ZNF385D: variants seen among roughly 807,000 people sequenced by gnomAD.
The protein encoded by ZNF385D is zinc finger protein 659.
A neutral mutation model predicts 35.8 loss-of-function variants in ZNF385D; 15 were observed. That is an observed-to-expected ratio of 0.42 (90% CI 0.28 to 0.64). The LOEUF is 0.64. ZNF385D is among the 30% of genes least tolerant of loss of function. The pLI is 0.23. For synonymous variants in ZNF385D, 212 were observed against 186.8 expected (o/e 1.13, Z -1.10); for missense variants, 474 against 494.6 (o/e 0.96, Z 0.39).
At chr3:22,105,685 A>C (rs1343774357) in intron 3 of ZNF385D, among the ~76,000 whole-genome samples, 1 of 152,056 alleles carries the variant, frequency 6.6e-6, no homozygotes, top group African/African-American at 2.4e-5. Flanking sequence ...CAGAGAATCA[A>C]TTCAACCTTC....
chr3:22,018,775 T>G (rs2125450776), intron 3 of ZNF385D, among the ~76,000 whole-genome samples: 1 of 152,100 alleles, frequency 6.6e-6, no homozygotes, highest in African/African-American at 2.4e-5. Context: ...CATTGGGTTG[T>G]GAAAGTAACC....
At chr3:22,215,385 C>T (rs1463894285) in intron 2 of ZNF385D, among the ~76,000 whole-genome samples, 1 of 151,984 alleles carries the variant, frequency 6.6e-6, no homozygotes, top group African/African-American at 2.4e-5. Context: ...TTCTTTTTCT[C>T]AGCAAGGAAC....
intron 1 of ZNF385D, among the ~76,000 whole-genome samples, chr3:21,729,511 G>C (rs1253585359): frequency 2.0e-5 from 3 of 152,058 alleles, no homozygotes; most frequent in Non-Finnish European, 2.9e-5. Flanking sequence ...CAACTCTGAG[G>C]AACTCCACTA....
rs2061972548 is a variant in ZNF385D, at chr3:21,533,539, A to T, written c.277-22516T>A. Among the ~76,000 whole-genome samples, 2 of 152,086 alleles carry T rather than the reference A, an allele frequency of 1.3e-5. 1 individual carries two copies. Among genetic ancestry groups the T allele is most frequent in the South Asian group, 4.2e-4 (2 of 4,740 alleles). On this transcript the variant is annotated intron_variant, in intron 3 of 7. Coordinates refer to ENST00000281523, the MANE Select transcript of ZNF385D (RefSeq NM_024697.3). ...ATATAACTATAGCTGTGCATTTATC[A>T]TCCATCTATATGACTCAAAATGCCA...
rs1203609329 is a variant in ZNF385D at position 21,794,704 on chromosome 3, G to A, written c.326-129676C>T. Among the ~76,000 whole-genome samples the A allele has an allele frequency of 2.6e-5, 4 of 152,044 alleles. 1 individual carries two copies. The highest frequency in any genetic ancestry group is 4.2e-4 in the South Asian group (2 of 4,818). ...TGGGAGGAAGAGTCATCCAGGAGGCGATTACATTTTAATAATGGTAAATTT... is the reference window on the plus strand; with the variant it reads ...TGGGAGGAAGAGTCATCCAGGAGGCAATTACATTTTAATAATGGTAAATTT... On this transcript the variant is annotated intron_variant, in intron 3 of 5. Coordinates refer to the ZNF385D transcript ENST00000494108.
chr3:22,218,511 A>C (rs996155476), intron 2 of ZNF385D, among the ~76,000 whole-genome samples: 1 of 152,094 alleles, frequency 6.6e-6, no homozygotes, highest in African/African-American at 2.4e-5. Flanking sequence ...ACATACACAC[A>C]CAACTGTATC....
intron 2 of ZNF385D, among the ~76,000 whole-genome samples, chr3:22,230,022 T>A (rs1370416193): frequency 1.3e-5 from 2 of 152,180 alleles, no homozygotes; most frequent in African/African-American, 4.8e-5. Flanking sequence ...ATAACAAGGG[T>A]CCAGTTACTT....
intron 2 of ZNF385D, among the ~76,000 whole-genome samples, chr3:22,343,263 A>G (rs189654133): frequency 9.8e-4 from 149 of 152,332 alleles, no homozygotes; most frequent in African/African-American, 3.4e-3. Flanking sequence ...ATCACTCACT[A>G]AACAAAACAA....
At chr3:21,454,364 C>G (rs775063771) in intron 4 of ZNF385D, among the ~76,000 whole-genome samples, 7 of 152,052 alleles carry the variant, frequency 4.6e-5, no homozygotes, top group Non-Finnish European at 8.8e-5. Context: ...CATTTTATAT[C>G]TATAATTTTT....
At chr3:22,158,233 C>T (rs901284766) in intron 3 of ZNF385D, among the ~76,000 whole-genome samples, 2 of 152,062 alleles carry the variant, frequency 1.3e-5, no homozygotes, top group Non-Finnish European at 2.9e-5. Flanking sequence ...TCTAACTGCA[C>T]ACTAGCATAA....
intron 3 of ZNF385D, among the ~76,000 whole-genome samples, chr3:21,877,098 G>C (rs533742267): frequency 2.0e-5 from 3 of 151,992 alleles, no homozygotes; most frequent in African/African-American, 4.8e-5. Flanking sequence ...AGGTTTATTC[G>C]CCTGCCCTAA....
chr3:22,039,108 G>A (rs1013089147), intron 3 of ZNF385D, among the ~76,000 whole-genome samples: 8 of 151,758 alleles, frequency 5.3e-5, no homozygotes, highest in East Asian at 1.9e-4. Context: ...CCATGTGAAC[G>A]AGCCAGAAGT....
intron 3 of ZNF385D, among the ~76,000 whole-genome samples, chr3:22,120,763 C>T (rs752683013): frequency 6.6e-6 from 1 of 152,102 alleles, no homozygotes; most frequent in African/African-American, 2.4e-5. Flanking sequence ...TGAGGCAGTT[C>T]TTGAGAACAA....
At chr3:22,016,972 T>A (rs971469238) in intron 3 of ZNF385D, among the ~76,000 whole-genome samples, 1 of 151,078 alleles carries the variant, frequency 6.6e-6, no homozygotes, top group Non-Finnish European at 1.5e-5. Flanking sequence ...ACACACACAC[T>A]TTCTCATTTA....
intron 4 of ZNF385D, among the ~76,000 whole-genome samples, chr3:21,446,826 G>C (rs955195163): frequency 1.8e-4 from 28 of 151,822 alleles, no homozygotes; most frequent in Admixed American, 1.6e-3. Flanking sequence ...TGCACTTTTT[G>C]ATAACAAATG....
At chr3:22,193,058 C>T (rs947855051) in intron 2 of ZNF385D, among the ~76,000 whole-genome samples, 4 of 152,164 alleles carry the variant, frequency 2.6e-5, no homozygotes, top group Non-Finnish European at 2.9e-5. Context: ...TCAGATAAGA[C>T]AAGAGTAACC....
At chr3:21,750,769 C>G in intron 1 of ZNF385D, 126 bp downstream of exon 1, 1 of 1,186,890 alleles carries the variant, frequency 8.4e-7, no homozygotes, top group Non-Finnish European at 1.2e-6. Context: ...CTTGGTCCTC[C>G]AGTTGCCAAC....
intron 2 of ZNF385D, among the ~76,000 whole-genome samples, chr3:22,189,424 C>T (rs1487538588): frequency 1.3e-5 from 2 of 152,228 alleles, no homozygotes; most frequent in African/African-American, 4.8e-5. Flanking sequence ...CAGTCTATAC[C>T]TTGAGATCTT....
intron 2 of ZNF385D, among the ~76,000 whole-genome samples, chr3:22,234,508 G>A (rs1430290214): frequency 6.6e-6 from 1 of 151,450 alleles, no homozygotes; most frequent in Non-Finnish European, 1.5e-5. Context: ...TCCTGAACTT[G>A]TTTCATTCTT....
Sources: gnomAD v4.1 joint callset for allele counts (sites outside exome capture counted in the v4.1 genomes callset) on GRCh38, gnomAD v4.1.1 for gene constraint, MANE v1.5 for transcripts, NCBI Gene and HGNC (gene_info 2026-07-23, HGNC 2026-07-21) for gene names.